MACROD2: variants seen among roughly 807,000 people sequenced by gnomAD.
The protein encoded by MACROD2 is ADP-ribose glycohydrolase MACROD2.
A neutral mutation model predicts 70.4 loss-of-function variants in MACROD2; 36 were observed. The ratio of observed to expected loss-of-function variants is 0.51; its 90% CI spans 0.39 to 0.68. The LOEUF is 0.68. Among genes scored for constraint, MACROD2 ranks in the 30% least tolerant of loss-of-function variants. The pLI, the probability that MACROD2 is intolerant of heterozygous loss-of-function variation, is 0.00. For synonymous variants in MACROD2, 172 were observed against 178.8 expected (o/e 0.96, Z 0.30); for missense variants, 496 against 538.4 (o/e 0.92, Z 0.78).
intron 5 of MACROD2, among the ~76,000 whole-genome samples, chr20:14,700,048 T>C (rs1373956706): frequency 2.6e-5 from 4 of 151,958 alleles, no homozygotes; most frequent in African/African-American, 4.8e-5. Flanking sequence ...AAAGTTTAAA[T>C]CTAGAAGTTT....
At chr20:14,140,877 T>G (rs2054864127) in intron 3 of MACROD2, among the ~76,000 whole-genome samples, 1 of 152,202 alleles carries the variant, frequency 6.6e-6, no homozygotes, top group South Asian at 2.1e-4. Context: ...TATGGATCTT[T>G]CCTTCTATGT....
chr20:14,577,188 G>A (rs1480401887), intron 4 of MACROD2, among the ~76,000 whole-genome samples: 1 of 152,062 alleles, frequency 6.6e-6, no homozygotes, highest in East Asian at 1.9e-4. Flanking sequence ...AAATCATTGA[G>A]GATATAATAT....
chr20:15,457,961 A>G (rs1358373857), intron 7 of MACROD2, among the ~76,000 whole-genome samples: 7 of 147,436 alleles, frequency 4.7e-5, no homozygotes, highest in South Asian at 4.4e-4. Flanking sequence ...AAAAAAAAAA[A>G]AGAAAAAAGA....
chr20:15,782,933 A>T (rs2051860179), intron 8 of MACROD2, among the ~76,000 whole-genome samples: 1 of 151,992 alleles, frequency 6.6e-6, no homozygotes, highest in African/African-American at 2.4e-5. Flanking sequence ...TTTTCCCCTT[A>T]ATGTCCCGGA....
chr20:14,119,570 A>G (rs998984843), intron 3 of MACROD2, among the ~76,000 whole-genome samples: 1 of 152,196 alleles, frequency 6.6e-6, no homozygotes, highest in Non-Finnish European at 1.5e-5. Context: ...ATCCTAAACA[A>G]GAGAATTGTT....
At chr20:15,946,298 C>T (rs1418641137) in intron 12 of MACROD2, among the ~76,000 whole-genome samples, 2 of 152,136 alleles carry the variant, frequency 1.3e-5, no homozygotes, top group African/African-American at 2.4e-5. Flanking sequence ...TTTTCAGAGT[C>T]ACTCTCAATA....
At chr20:14,989,055 A>G (rs1309463657) in intron 5 of MACROD2, among the ~76,000 whole-genome samples, 1 of 152,226 alleles carries the variant, frequency 6.6e-6, no homozygotes, top group East Asian at 1.9e-4. Context: ...CTGTGAATAC[A>G]AAGCAGTATC....
chr20:14,261,109 A>G (rs1205465250), intron 3 of MACROD2, among the ~76,000 whole-genome samples: 1 of 152,258 alleles, frequency 6.6e-6, no homozygotes, highest in East Asian at 1.9e-4. Flanking sequence ...GAAAACAAGT[A>G]TAATTCCTCA....
At chr20:14,320,733 A>G (rs1423143607) in intron 3 of MACROD2, among the ~76,000 whole-genome samples, 1 of 142,044 alleles carries the variant, frequency 7.0e-6, no homozygotes, top group Non-Finnish European at 1.5e-5. Flanking sequence ...TTAATTTAGT[A>G]AGTCTTTACT....
chr20:14,816,476 A>G (rs772387316), intron 5 of MACROD2, among the ~76,000 whole-genome samples: 1 of 152,084 alleles, frequency 6.6e-6, no homozygotes, highest in Non-Finnish European at 1.5e-5. Context: ...AAGCCTTTAG[A>G]AGCTTATGTA....
intron 5 of MACROD2, chr20:15,197,047 C>A: frequency 1.0e-6 from 1 of 985,080 alleles, no homozygotes; most frequent in Non-Finnish European, 1.2e-6. Flanking sequence ...GTATTTTGCT[C>A]ACTCTTATAA....
chr20:15,885,893 A>G, intron 10 of MACROD2, 82 bp downstream of exon 10: 1 of 1,317,228 alleles, frequency 7.6e-7, no homozygotes, highest in African/African-American at 1.5e-5. Context: ...TTTTCAACGA[A>G]AGACAAAATA....
chr20:15,434,873 A>G (rs774970734), intron 7 of MACROD2, among the ~76,000 whole-genome samples: 9 of 152,176 alleles, frequency 5.9e-5, no homozygotes, highest in Non-Finnish European at 1.3e-4. Flanking sequence ...TTTTGCAGCA[A>G]TGTGGATGGA....
chr20:15,075,502 G>A (rs1246302254), intron 5 of MACROD2, among the ~76,000 whole-genome samples: 2 of 152,146 alleles, frequency 1.3e-5, no homozygotes, highest in Non-Finnish European at 2.9e-5. Context: ...CTTCAGGGCT[G>A]TTTAAATCAG....
At chr20:15,053,623 C>T (rs2075460335) in intron 5 of MACROD2, among the ~76,000 whole-genome samples, 1 of 152,068 alleles carries the variant, frequency 6.6e-6, no homozygotes, top group African/African-American at 2.4e-5. Flanking sequence ...CATCTGGTAA[C>T]CCAAGAGCTG....
At chr20:15,056,098 C>T (rs16995264) in intron 5 of MACROD2, among the ~76,000 whole-genome samples, 3,535 of 152,140 alleles carry the variant, frequency 0.023, 166 homozygotes, top group African/African-American at 0.081. Context: ...AAAGCAACAT[C>T]TTTAAAGTCT....
chr20:15,964,784 G>A (rs891165184), intron 12 of MACROD2, among the ~76,000 whole-genome samples: 1 of 152,164 alleles, frequency 6.6e-6, no homozygotes, highest in Non-Finnish European at 1.5e-5. Context: ...AATTCAGAGA[G>A]CCCTATTAAT....
At chr20:14,862,629 A>G (rs1475212530) in intron 5 of MACROD2, among the ~76,000 whole-genome samples, 1 of 13,272 alleles carries the variant, frequency 7.5e-5, no homozygotes, top group East Asian at 1.7e-3. Flanking sequence ...ATATATATAT[A>G]AATATATATA....
chr20:14,363,816 CAAAAAAAAAAAAAAA>C (rs569929488), intron 3 of MACROD2, among the ~76,000 whole-genome samples: 1 of 71,560 alleles, frequency 1.4e-5, no homozygotes, highest in East Asian at 4.7e-4. Flanking sequence ...GACTCTGTCT[CAAAAAAAAAAAAAAA>C]AAAAAAAAAA....
Sources: allele counts gnomAD v4.1 joint callset (sites outside exome capture counted in the v4.1 genomes callset), GRCh38; gene constraint gnomAD v4.1.1; transcripts MANE v1.5; gene names NCBI Gene and HGNC (gene_info 2026-07-23, HGNC 2026-07-21).